Variants in PIK3C2G observed in about 807,000 individuals in gnomAD.
PIK3C2G encodes phosphatidylinositol-4-phosphate 3-kinase catalytic subunit type 2 gamma, also known as phosphatidylinositol 3-kinase C2 domain-containing subunit gamma.
A neutral mutation model predicts 181.1 loss-of-function variants in PIK3C2G; 168 were observed. That is an observed-to-expected ratio of 0.93 (90% CI 0.82 to 1.05). The LOEUF is 1.05. Among genes scored for constraint, PIK3C2G ranks in the 50% least tolerant of loss-of-function variants. The pLI, the probability that PIK3C2G is intolerant of heterozygous loss-of-function variation, is 0.00. For synonymous variants in PIK3C2G, 573 were observed against 592.2 expected (o/e 0.97, Z 0.47); for missense variants, 1,869 against 1,732.8 (o/e 1.08, Z -1.40).
intron 29 of PIK3C2G, among the ~76,000 whole-genome samples, chr12:18,573,447 C>T (rs1008247440): frequency 3.3e-5 from 5 of 152,164 alleles, no homozygotes; most frequent in Admixed American, 2.0e-4. Context: ...GTCAAAAGTG[C>T]TGCTTAACTT....
chr12:18,541,783 G>A (rs1944167648), intron 25 of PIK3C2G, among the ~76,000 whole-genome samples: 3 of 151,844 alleles, frequency 2.0e-5, no homozygotes, highest in African/African-American at 7.2e-5. Context: ...GGGGGCACCA[G>A]AACCATGTGG....
At chr12:18,289,046 ATTTG>A (rs1017280248) in intron 3 of PIK3C2G, among the ~76,000 whole-genome samples, 1 of 152,192 alleles carries the variant, frequency 6.6e-6, no homozygotes, top group Non-Finnish European at 1.5e-5. Context: ...GTTTTCAATA[ATTTG>A]TTTGTTGGCA....
chr12:18,525,290 G>A (rs1285597343), intron 24 of PIK3C2G, among the ~76,000 whole-genome samples: 1 of 151,960 alleles, frequency 6.6e-6, no homozygotes, highest in Non-Finnish European at 1.5e-5. Context: ...TACTCGAGAG[G>A]CTGAGGCAGG....
chr12:18,614,636 A>G (rs1948506519), intron 31 of PIK3C2G, among the ~76,000 whole-genome samples: 1 of 152,260 alleles, frequency 6.6e-6, no homozygotes, highest in African/African-American at 2.4e-5. Flanking sequence ...CTTAAATGTG[A>G]AGATTTTCCA....
intron 30 of PIK3C2G, among the ~76,000 whole-genome samples, chr12:18,598,258 G>T (rs77053859): frequency 4.6e-5 from 7 of 151,624 alleles, no homozygotes; most frequent in Non-Finnish European, 1.0e-4. Context: ...ATACTACAAG[G>T]CTACAGTAAC....
intron 30 of PIK3C2G, 25 bp downstream of exon 30, chr12:18,594,594 C>A: frequency 8.3e-7 from 1 of 1,206,584 alleles, no homozygotes; most frequent in Non-Finnish European, 1.2e-6. Flanking sequence ...CATTATATTA[C>A]GTACAGTGAT....
At chr12:18,616,223 A>G (rs970271975) in intron 31 of PIK3C2G, among the ~76,000 whole-genome samples, 4 of 152,086 alleles carry the variant, frequency 2.6e-5, no homozygotes, top group African/African-American at 4.8e-5. Flanking sequence ...GATTATCTTA[A>G]TTTATCCTGC....
chr12:18,623,817 T>C (rs1047150413), intron 31 of PIK3C2G, among the ~76,000 whole-genome samples: 7 of 151,774 alleles, frequency 4.6e-5, no homozygotes, highest in African/African-American at 1.7e-4. Context: ...ATTATTCTCT[T>C]GATATCCTTT....
At chr12:18,408,047 T>C (rs12304444) in intron 16 of PIK3C2G, among the ~76,000 whole-genome samples, 1 of 152,120 alleles carries the variant, frequency 6.6e-6, no homozygotes, top group African/African-American at 2.4e-5. Flanking sequence ...TTGAACAGAT[T>C]TGCATCTCTT....
chr12:18,562,662 G>C (rs1474133567), intron 26 of PIK3C2G, 41 bp from the exon 27 acceptor site: 16 of 1,188,796 alleles, frequency 1.3e-5, no homozygotes, highest in Non-Finnish European at 1.7e-5. Context: ...AGTAGATGCA[G>C]AGGAGTGTCA....
At chr12:18,683,318 C>T in the PIK3C2G span, 50 of 1,612,074 alleles carry the variant, frequency 3.1e-5, no homozygotes, top group East Asian at 6.7e-5. Flanking sequence ...AGGAATACGA[C>T]GATAACCTGC....
At chr12:18,545,149 A>G (rs1404464003) in intron 25 of PIK3C2G, among the ~76,000 whole-genome samples, 2 of 151,636 alleles carry the variant, frequency 1.3e-5, no homozygotes, top group African/African-American at 4.8e-5. Flanking sequence ...TTTCATCCCC[A>G]TCTCTTGCTG....
At position 18,568,474 on chromosome 12, in the gene PIK3C2G, G is replaced by T. The variant is rs7131935; in HGVS notation, c.4011+1417G>T. Among the ~76,000 whole-genome samples the T allele has an allele frequency of 5.5e-3, 843 of 152,030 alleles. 3 individuals are homozygous for T. The highest frequency in any genetic ancestry group is 0.02 in the African/African-American group (819 of 41,468). ...AGAAATTTGTTTAATTGGCTCACAT[G>T]ATTGTGGAGGTGCAAATCCAAAATC... is the stretch of plus-strand genomic sequence containing the variant. On this transcript the variant is annotated intron_variant, in intron 29 of 32. Transcript: ENST00000538779.
At chr12:18,450,345 C>T (rs562171566) in intron 18 of PIK3C2G, among the ~76,000 whole-genome samples, 2 of 152,138 alleles carry the variant, frequency 1.3e-5, no homozygotes, top group East Asian at 3.9e-4. Flanking sequence ...AGGCTGGTCT[C>T]GAACTCCCAA....
the PIK3C2G span, among the ~76,000 whole-genome samples, chr12:18,723,995 G>A: frequency 6.6e-6 from 1 of 152,098 alleles, no homozygotes; most frequent in Non-Finnish European, 1.5e-5. Context: ...TGGAGTCTGA[G>A]TAATCATTGA....
At chr12:18,652,601 G>GC (rs371086348), downstream of PIK3C2G, among the ~76,000 whole-genome samples, 129 of 152,148 alleles carry the variant, frequency 8.5e-4, no homozygotes, top group African/African-American at 3.0e-3. Context: ...TGTTGTCCCA[G>GC]CCCCACAAAT....
intron 15 of PIK3C2G, among the ~76,000 whole-genome samples, chr12:18,399,450 C>A (rs1944116202): frequency 6.7e-6 from 1 of 148,374 alleles, no homozygotes; most frequent in Non-Finnish European, 1.5e-5. Context: ...TTATTTTTTT[C>A]AAAATAATAA....
chr12:18,258,260 T>C (rs1948168531), upstream of PIK3C2G, among the ~76,000 whole-genome samples: 1 of 148,186 alleles, frequency 6.7e-6, no homozygotes, highest in Admixed American at 6.9e-5. Flanking sequence ...AATTACTATA[T>C]ACATTACTTC....
upstream of PIK3C2G, among the ~76,000 whole-genome samples, chr12:18,257,901 TAAAG>T (rs2046220820): frequency 1.3e-5 from 2 of 151,756 alleles, no homozygotes; most frequent in South Asian, 4.2e-4. Flanking sequence ...CAGAAAGAGA[TAAAG>T]AAATATACTC....
Sources: gnomAD v4.1 joint callset for allele counts (sites outside exome capture counted in the v4.1 genomes callset) on GRCh38, gnomAD v4.1.1 for gene constraint, MANE v1.5 for transcripts, NCBI Gene and HGNC (gene_info 2026-07-23, HGNC 2026-07-21) for gene names.